Variants in CTNNA2 observed in about 807,000 individuals in gnomAD.
The protein encoded by CTNNA2 is catenin alpha-2.
A neutral mutation model predicts 101.0 loss-of-function variants in CTNNA2; 42 were observed. The ratio of observed to expected loss-of-function variants is 0.42; its 90% CI spans 0.32 to 0.54. CTNNA2 has a LOEUF of 0.54. Ranked by LOEUF, CTNNA2 falls within the 20% of genes least tolerant of loss-of-function variation. The pLI is 0.14. For missense variants in CTNNA2, 871 were observed against 1,223.1 expected (o/e 0.71, Z 4.29); for synonymous variants, 450 against 456.4 (o/e 0.99, Z 0.18).
chr2:80,162,156 T>A (rs1456796508), intron 7 of CTNNA2, among the ~76,000 whole-genome samples: 2 of 152,184 alleles, frequency 1.3e-5, no homozygotes, highest in African/African-American at 2.4e-5. Flanking sequence ...AATTAAAATA[T>A]CTGCTTTATC....
intron 7 of CTNNA2, among the ~76,000 whole-genome samples, chr2:80,214,637 T>C (rs1449003352): frequency 6.6e-6 from 1 of 152,082 alleles, no homozygotes; most frequent in Non-Finnish European, 1.5e-5. Context: ...TCTCTGGCTG[T>C]GATGGGCTTC....
intron 2 of CTNNA2, among the ~76,000 whole-genome samples, chr2:79,673,122 T>C (rs866653272): frequency 6.6e-6 from 1 of 152,222 alleles, no homozygotes; most frequent in Non-Finnish European, 1.5e-5. Context: ...TGTTATTATA[T>C]TGTGTTAGTT....
intron 4 of CTNNA2, among the ~76,000 whole-genome samples, chr2:79,380,826 C>T (rs1678029987): frequency 6.6e-6 from 1 of 152,148 alleles, no homozygotes; most frequent in Non-Finnish European, 1.5e-5. Context: ...TTTTCTTCTG[C>T]TATAACATTG....
At chr2:80,557,990 C>A (rs1234555985) in intron 12 of CTNNA2, among the ~76,000 whole-genome samples, 1 of 152,084 alleles carries the variant, frequency 6.6e-6, no homozygotes, top group Non-Finnish European at 1.5e-5. Flanking sequence ...CTAAAGGCAC[C>A]TTTCTTATTT....
chr2:80,640,150 TAACA>T (rs1323822575), intron 18 of CTNNA2, among the ~76,000 whole-genome samples: 1 of 152,054 alleles, frequency 6.6e-6, no homozygotes, highest in South Asian at 2.1e-4. Context: ...ATTTGATAGC[TAACA>T]AACAATAGAA....
chr2:80,245,822 T>TTTTTTTTTTTTTTTTTTTTTTTTTG (rs1558937542), intron 7 of CTNNA2, among the ~76,000 whole-genome samples: 2 of 135,548 alleles, frequency 1.5e-5, no homozygotes, highest in African/African-American at 5.8e-5. Context: ...TTTTTTTTTT[T>TTTTTTTTTTTTTTTTTTTTTTTTTG]TGCACTCTGT....
intron 7 of CTNNA2, among the ~76,000 whole-genome samples, chr2:80,217,407 G>T (rs1008442671): frequency 2.0e-5 from 3 of 151,992 alleles, no homozygotes; most frequent in African/African-American, 7.2e-5. Flanking sequence ...GTGTAATTCT[G>T]TGCAAATCAT....
intron 1 of CTNNA2, among the ~76,000 whole-genome samples, chr2:79,614,907 C>T (rs1347073991): frequency 6.6e-6 from 1 of 152,084 alleles, no homozygotes. Context: ...TTTGGGCAAA[C>T]CTCTATCATA....
At chr2:80,462,429 C>A (rs1684503354) in intron 9 of CTNNA2, among the ~76,000 whole-genome samples, 1 of 152,016 alleles carries the variant, frequency 6.6e-6, no homozygotes, top group African/African-American at 2.4e-5. Context: ...AGATATTGGT[C>A]ATTTTAATTC....
intron 9 of CTNNA2, among the ~76,000 whole-genome samples, chr2:80,503,869 A>G (rs936621815): frequency 6.6e-6 from 1 of 152,094 alleles, no homozygotes; most frequent in African/African-American, 2.4e-5. Context: ...TGCAAGGCCA[A>G]GTGGAAGGGG....
intron 12 of CTNNA2, among the ~76,000 whole-genome samples, chr2:80,569,159 C>T (rs1694332587): frequency 6.6e-6 from 1 of 152,070 alleles, no homozygotes; most frequent in Admixed American, 6.6e-5. Context: ...GAAACTTCAT[C>T]CCTGACGTCT....
At chr2:79,311,552 A>T (rs923506368) in intron 2 of CTNNA2, among the ~76,000 whole-genome samples, 5 of 150,594 alleles carry the variant, frequency 3.3e-5, no homozygotes, top group Non-Finnish European at 5.9e-5. Context: ...TACTTAAAAG[A>T]TAGTGCGTCC....
intron 3 of CTNNA2, among the ~76,000 whole-genome samples, chr2:79,329,381 T>G (rs1676819738): frequency 6.6e-6 from 1 of 152,166 alleles, no homozygotes. Flanking sequence ...AAGGGAATGA[T>G]GTAGAATACA....
intron 9 of CTNNA2, among the ~76,000 whole-genome samples, chr2:80,456,351 C>T (rs974824598): frequency 7.9e-5 from 12 of 152,200 alleles, no homozygotes; most frequent in African/African-American, 2.9e-4. Context: ...GCTGTGGCTT[C>T]TGTGTGTTGT....
chr2:80,178,075 T>G (rs1323872061), intron 7 of CTNNA2, among the ~76,000 whole-genome samples: 2 of 152,186 alleles, frequency 1.3e-5, no homozygotes, highest in Non-Finnish European at 2.9e-5. Flanking sequence ...CTCTGTCAAC[T>G]GATCATAGGG....
chr2:80,154,990 A>T (rs1344161287), intron 7 of CTNNA2, among the ~76,000 whole-genome samples: 2 of 150,818 alleles, frequency 1.3e-5, no homozygotes, highest in African/African-American at 4.9e-5. Flanking sequence ...ATAACACTTC[A>T]TGGAAAATGA....
At chr2:79,845,773 C>A (rs1242507237) in intron 3 of CTNNA2, among the ~76,000 whole-genome samples, 2 of 152,072 alleles carry the variant, frequency 1.3e-5, no homozygotes, top group African/African-American at 4.8e-5. Flanking sequence ...CGTTCATTAC[C>A]CATTGTCAGA....
chr2:79,652,311 TC>T (rs1179902077), intron 2 of CTNNA2, among the ~76,000 whole-genome samples: 1 of 151,994 alleles, frequency 6.6e-6, no homozygotes, highest in Non-Finnish European at 1.5e-5. Flanking sequence ...CAAATTCCTA[TC>T]TACTTAGTGG....
At chr2:79,268,697 G>A (rs1434190) in intron 2 of CTNNA2, among the ~76,000 whole-genome samples, 58,918 of 151,884 alleles carry the variant, frequency 0.39, 12,330 homozygotes, top group Non-Finnish European at 0.46. Flanking sequence ...GTGTTGGGAG[G>A]ACACCTGGCT....
Sources: gnomAD v4.1 joint callset for allele counts (sites outside exome capture counted in the v4.1 genomes callset) on GRCh38, gnomAD v4.1.1 for gene constraint, MANE v1.5 for transcripts, NCBI Gene and HGNC (gene_info 2026-07-23, HGNC 2026-07-21) for gene names.